The following SORCS3 variants were observed in gnomAD, a reference collection of about 807,000 sequenced individuals.
SORCS3 encodes sortilin related VPS10 domain containing receptor 3.
A neutral mutation model predicts 146.3 loss-of-function variants in SORCS3; 57 were observed. The ratio of observed to expected loss-of-function variants is 0.39; its 90% CI spans 0.31 to 0.49. The LOEUF (loss-of-function observed/expected upper bound fraction) is 0.49. Ranked by LOEUF, SORCS3 falls within the 20% of genes least tolerant of loss-of-function variation. SORCS3 has a pLI of 0.92. For missense variants in SORCS3, 1,341 were observed against 1,575.5 expected (o/e 0.85, Z 2.52); for synonymous variants, 653 against 618.5 (o/e 1.06, Z -0.83).
At chr10:105,050,630 C>A (rs1027238591) in intron 5 of SORCS3, among the ~76,000 whole-genome samples, 1 of 152,140 alleles carries the variant, frequency 6.6e-6, no homozygotes, top group African/African-American at 2.4e-5. Flanking sequence ...CCTCCTCAGG[C>A]AGAGGCACCT....
rs148765983 is a variant in SORCS3, at chr10:105,075,162, A to T, written c.1029-14613A>T. On this transcript the variant is annotated intron_variant, in intron 5 of 26. Coordinates refer to ENST00000369701, the MANE Select transcript of SORCS3 (RefSeq NM_014978.3). The stretch of plus-strand genomic sequence containing the variant: ...ACCACATAATCTTGCATCTAATTAC[A>T]TGTGGCATGGTGGCTCATCTGAGAG... Among the ~76,000 whole-genome samples, 968 of 152,230 alleles carry T rather than the reference A, an allele frequency of 6.4e-3. 6 individuals are homozygous for T. Among genetic ancestry groups the T allele is most frequent in the South Asian group, 0.016 (76 of 4,826 alleles).
At chr10:104,957,866 G>A (rs181777631) in intron 3 of SORCS3, among the ~76,000 whole-genome samples, 63 of 152,056 alleles carry the variant, frequency 4.1e-4, no homozygotes, top group Admixed American at 2.6e-3. Flanking sequence ...TCTGCGTCAC[G>A]TTGAGAAGGG....
At chr10:104,992,845 C>G (rs993234832) in intron 4 of SORCS3, among the ~76,000 whole-genome samples, 5 of 152,040 alleles carry the variant, frequency 3.3e-5, no homozygotes, top group African/African-American at 9.7e-5. Context: ...CCTAACTAAT[C>G]TAGGTTTTTA....
intron 5 of SORCS3, among the ~76,000 whole-genome samples, chr10:105,078,487 A>C (rs1230793139): frequency 5.9e-5 from 9 of 152,176 alleles, no homozygotes; most frequent in African/African-American, 1.9e-4. Flanking sequence ...ACACAACTGG[A>C]AATTTCAAAA....
At chr10:105,023,335 T>C (rs1192360797) in intron 4 of SORCS3, among the ~76,000 whole-genome samples, 1 of 152,200 alleles carries the variant, frequency 6.6e-6, no homozygotes, top group Non-Finnish European at 1.5e-5. Context: ...CCAATTCCTG[T>C]CTGCTGGCTG....
intron 1 of SORCS3, among the ~76,000 whole-genome samples, chr10:104,791,262 T>A (rs1285461902): frequency 6.6e-6 from 1 of 152,224 alleles, no homozygotes; most frequent in Non-Finnish European, 1.5e-5. Context: ...TGGGCTCAGA[T>A]GGCTGGAGGT....
At chr10:104,972,577 A>G (rs988246794) in intron 3 of SORCS3, among the ~76,000 whole-genome samples, 2 of 152,100 alleles carry the variant, frequency 1.3e-5, no homozygotes, top group Admixed American at 6.6e-5. Flanking sequence ...AAAGAACAAT[A>G]TAGGAAAAAT....
At chr10:104,770,515 T>C (rs1472767360) in intron 1 of SORCS3, among the ~76,000 whole-genome samples, 1 of 152,032 alleles carries the variant, frequency 6.6e-6, no homozygotes, top group Non-Finnish European at 1.5e-5. Flanking sequence ...AGCTTTCTAG[T>C]CATCACATTA....
chr10:105,041,465 A>G (rs969263392), intron 4 of SORCS3, among the ~76,000 whole-genome samples: 2 of 149,002 alleles, frequency 1.3e-5, no homozygotes, highest in African/African-American at 4.9e-5. Flanking sequence ...ACATATAACT[A>G]TATGTACATA....
chr10:105,211,343 G>A, intron 17 of SORCS3, 93 bp downstream of exon 17: 2 of 840,368 alleles, frequency 2.4e-6, no homozygotes, highest in Non-Finnish European at 4.0e-6. Flanking sequence ...ATACAATGGA[G>A]TGAAGATGGA....
chr10:104,822,779 A>G (rs750589009), intron 1 of SORCS3, among the ~76,000 whole-genome samples: 1 of 152,148 alleles, frequency 6.6e-6, no homozygotes, highest in Non-Finnish European at 1.5e-5. Flanking sequence ...ATGAATGGTC[A>G]TTCTGCTGTG....
At chr10:104,718,506 G>A (rs759496514) in intron 1 of SORCS3, among the ~76,000 whole-genome samples, 4 of 152,156 alleles carry the variant, frequency 2.6e-5, no homozygotes, top group South Asian at 2.1e-4. Context: ...TGGGAGACAC[G>A]TTCAAACTGC....
chr10:104,711,370 T>G (rs769803660), intron 1 of SORCS3, among the ~76,000 whole-genome samples: 10 of 152,148 alleles, frequency 6.6e-5, no homozygotes, highest in Non-Finnish European at 1.5e-4. Flanking sequence ...AGCTGTCAGC[T>G]TAGTGCTTTT....
At chr10:105,043,586 A>T (rs147302743) in intron 5 of SORCS3, among the ~76,000 whole-genome samples, 5 of 152,322 alleles carry the variant, frequency 3.3e-5, no homozygotes, top group South Asian at 2.1e-4. Context: ...TCTGTGGTCA[A>T]ATAAATTCAG....
chr10:105,204,070 C>T (rs576461771), intron 16 of SORCS3, among the ~76,000 whole-genome samples: 39 of 152,150 alleles, frequency 2.6e-4, no homozygotes, highest in South Asian at 1.4e-3. Context: ...AAGTAAAGCA[C>T]GGTGGGAGAG....
At chr10:105,048,335 C>T (rs1420104024) in intron 5 of SORCS3, among the ~76,000 whole-genome samples, 2 of 148,838 alleles carry the variant, frequency 1.3e-5, no homozygotes, top group Non-Finnish European at 3.0e-5. Context: ...ACATATACAC[C>T]ATGGAATACT....
intron 4 of SORCS3, among the ~76,000 whole-genome samples, chr10:105,031,358 C>A (rs1408728240): frequency 3.4e-5 from 5 of 145,462 alleles, no homozygotes; most frequent in African/African-American, 1.3e-4. Context: ...CACACACACA[C>A]ACACAAAAAC....
rs141177706 is a variant in SORCS3, at chr10:105,089,824, C to T, written c.1078C>T (p.Arg360Trp). ...GGCGGACCTGGTGCACATGGAGGTG[C>T]GGACCACGGATGGATGTGAGTTCTG... ...KEADLVHMEV[R>W]TTDGYAHYLT... is the part of the protein sequence containing the mutation. Residue 360 changes from arginine to tryptophan, a missense_variant, in exon 6 of 27, where the codon CGG becomes TGG. By Grantham distance (101) the Arg-to-Trp change is moderately radical. Coordinates refer to ENST00000369701, the MANE Select transcript of SORCS3 (RefSeq NM_014978.3). The T allele has an allele frequency of 5.8e-5, 93 of 1,613,900 alleles. No homozygotes were observed. Among genetic ancestry groups the T allele is most frequent in the African/African-American group, 4.1e-4 (31 of 75,036 alleles).
intron 16 of SORCS3, among the ~76,000 whole-genome samples, chr10:105,203,596 C>T (rs954632447): frequency 6.6e-6 from 1 of 152,130 alleles, no homozygotes; most frequent in Admixed American, 6.6e-5. Context: ...AATATTTTCT[C>T]ATCAGTAATT....
Sources: allele counts gnomAD v4.1 joint callset (sites outside exome capture counted in the v4.1 genomes callset), GRCh38; gene constraint gnomAD v4.1.1; transcripts MANE v1.5; gene names NCBI Gene and HGNC (gene_info 2026-07-23, HGNC 2026-07-21).